Variants in CYP7A1 observed in about 807,000 individuals in gnomAD.
CYP7A1 encodes the protein cytochrome P450 family 7 subfamily A member 1, also known as cytochrome P450 7A1.
In CYP7A1, 28 loss-of-function variants were observed where a neutral mutation model predicts 43.8. The observed-to-expected ratio is 0.64, with a 90% CI of 0.47 to 0.88. The LOEUF is 0.88. Among genes scored for constraint, CYP7A1 ranks in the 40% least tolerant of loss-of-function variants. The pLI is 0.00. For synonymous variants in CYP7A1, 227 were observed against 222.5 expected, an observed-to-expected ratio of 1.02 and a Z score of -0.18; for missense variants, 637 against 611.9, an observed-to-expected ratio of 1.04 and a Z score of -0.43.
chr8:58,494,622 A>G lies in CYP7A1; in HGVS notation c.923T>C (p.Met308Thr), dbSNP rs997514726. The G allele has an allele frequency of 6.2e-7, 1 of 1,613,946 alleles. No individual in the cohort carries two copies. The highest frequency in any genetic ancestry group is 8.5e-7 in the Non-Finnish European group (1 of 1,179,946). Reference protein sequence around the residue: ...LFQMIRNPEAMKAATEEVKRT... With the variant: ...LFQMIRNPEATKAATEEVKRT... ...TTTCACTTCTTCAGTAGCTGCTTTC[A>G]TTGCTTCTGGGTTCCTATTAAAAGG... Residue 308 changes from methionine (M) to threonine (T), a missense_variant, in exon 4 of 6, where the codon ATG becomes ACG. Physicochemically the swap from Met to Thr is moderately conservative, Grantham distance 81. Transcript: ENST00000301645.
intron 4 of CYP7A1, 46 bp from the exon 5 acceptor site, chr8:58,492,574 G>C: frequency 6.7e-7 from 1 of 1,501,928 alleles, no homozygotes; most frequent in African/African-American, 1.4e-5. Context: ...AAGAAGGAAG[G>C]GAGGAAGGAA....
chr8:58,494,220 T>C lies in CYP7A1; in HGVS notation c.1039+286A>G, dbSNP rs953218871. On this transcript the variant is annotated intron_variant, in intron 4 of 5. Transcript: ENST00000301645. Reference sequence around the variant, plus strand: ...AGTGGTAAGAGGAATATGAGAAACATGGTGTGGCAGTGCAGGGTGGTAGTT... The same window carrying C: ...AGTGGTAAGAGGAATATGAGAAACACGGTGTGGCAGTGCAGGGTGGTAGTT... Among the ~76,000 whole-genome samples the C allele has an allele frequency of 3.9e-5, 6 of 152,152 alleles. No homozygotes were observed. In the South Asian group the frequency reaches 1.2e-3, roughly 32 times the overall value.
At chr8:58,491,808 G>A in intron 5 of CYP7A1, 34 bp from the exon 6 acceptor site, 1 of 1,576,444 alleles carries the variant, frequency 6.3e-7, no homozygotes, top group Non-Finnish European at 8.7e-7. Flanking sequence ...CCGCCTTTAA[G>A]CTAGTTTTAA....
Position 58,491,506 on chromosome 8 carries a change from A to T in CYP7A1, c.1484T>A (p.Ile495Asn). 5.0e-6 allele frequency: 8 copies of T among 1,614,172 alleles called. No individual in the cohort carries two copies. Among genetic ancestry groups the T allele is most frequent in the Non-Finnish European group, 5.9e-6 (7 of 1,180,022 alleles). Reference sequence around the variant, plus strand: ...ATGCTTGAATTTATATTTAAATTCAATATCATTCAATGGCGGCAAAATGCC... The same window carrying T: ...ATGCTTGAATTTATATTTAAATTCATTATCATTCAATGGCGGCAAAATGCC... ...GLGILPPLND[I>N]EFKYKFKHL The change falls in exon 6 of 6, where the codon ATT becomes AAT. Residue 495 changes from isoleucine (I) to asparagine (N), a missense_variant. Transcript: ENST00000301645.
At position 58,498,318 on chromosome 8, in the gene CYP7A1, A is replaced by T. The variant is rs766189113; in HGVS notation, c.232T>A (p.Phe78Ile). 5 of 1,614,050 alleles carry T rather than the reference A, an allele frequency of 3.1e-6. No individual in the cohort carries two copies. The South Asian group carries it at 5.5e-5, about 18-fold the overall frequency. ...TGGTATGACAAGGGATTTGTGATGAAATGGACATATTTTCCCATTAGTTTG... is the reference window on the plus strand; with the variant it reads ...TGGTATGACAAGGGATTTGTGATGATATGGACATATTTTCCCATTAGTTTG... ...TCKLMGKYVH[F>I]ITNPLSYHKV... is the part of the protein sequence containing the mutation. The change falls in exon 2 of 6, where the codon TTC (phenylalanine) becomes ATC (isoleucine). Residue 78 changes from phenylalanine (F) to isoleucine (I), a missense_variant. Transcript: ENST00000301645.
In CYP7A1 at chr8:58,492,478, G is replaced by A. The variant is rs149291486; in HGVS notation, c.1090C>T (p.Arg364Trp). The A allele has an allele frequency of 5.8e-5, 93 of 1,613,836 alleles. No individual in the cohort carries two copies. The highest frequency in any genetic ancestry group is 1.3e-4 in the African/African-American group (10 of 74,870). ...AAAGTGAAATCCTCCTTAGCTGTCC[G>A]GATGTTGAGGGAGGCACTGGAAAGC... ...LRLSSASLNI[R>W]TAKEDFTLHL... Residue 364 changes from arginine to tryptophan, a missense_variant, in exon 5 of 6, where the codon CGG becomes TGG. Physicochemically the swap from Arg to Trp is moderately radical, Grantham distance 101. Coordinates refer to ENST00000301645, the MANE Select transcript of CYP7A1 (RefSeq NM_000780.4).
chr8:58,495,217 T>TATTTATTTATTTATTTATTTATG (rs1809420767), intron 3 of CYP7A1, among the ~76,000 whole-genome samples: 1 of 34,770 alleles, frequency 2.9e-5, no homozygotes, highest in East Asian at 5.7e-4. Context: ...TATTTTATTT[T>TATTTATTTATTTATTTATTTATG]TATTTATTTA....
rs539904740 is a variant in CYP7A1 at position 58,491,955 on chromosome 8, C to T, written c.1216-181G>A. 2.0e-5 allele frequency among the ~76,000 whole-genome samples: 3 copies of T among 152,096 alleles called. No individual in the cohort carries two copies. In the South Asian group the frequency reaches 6.2e-4, roughly 32 times the overall value. On this transcript the variant is annotated intron_variant, in intron 5 of 5. Transcript: ENST00000301645. ...ACAGGAGCTTAATGAGCTAAGGAAG[C>T]CTTGTGATACCTCCTATCCTGCTTG...
At chr8:58,495,820 A>G (rs1809434803) in intron 3 of CYP7A1, among the ~76,000 whole-genome samples, 1 of 152,246 alleles carries the variant, frequency 6.6e-6, no homozygotes, top group Admixed American at 6.5e-5. Flanking sequence ...AAAATATTTT[A>G]TAAGACCTAA....
Position 58,500,108 on chromosome 8 carries a change from C to T in CYP7A1, c.-10G>A, listed in dbSNP as rs1216658100. The T allele has an allele frequency of 1.9e-6, 3 of 1,610,488 alleles. No homozygotes were observed. In the East Asian group the frequency reaches 6.7e-5, roughly 36 times the overall value. ...AAGATGTGGTCATCATTTTGCAAAT[C>T]TAGGCCAAAATCTCTGAGGAAGAAA... is the stretch of plus-strand genomic sequence containing the variant. On this transcript the variant is annotated 5_prime_UTR_variant, in exon 1 of 6. Transcript: ENST00000301645.
At chr8:58,492,562 G>T (rs1419315333) in intron 4 of CYP7A1, 34 bp from the exon 5 acceptor site, 1 of 1,559,706 alleles carries the variant, frequency 6.4e-7, no homozygotes, top group South Asian at 1.1e-5. Flanking sequence ...GATAAAAAAT[G>T]AAAGAAGGAA....
In CYP7A1 at chr8:58,497,099, A is replaced by G. The variant is rs768849156; in HGVS notation, c.413T>C (p.Leu138Ser). The G allele has an allele frequency of 7.2e-5, 115 of 1,600,662 alleles. No homozygotes were observed. Among genetic ancestry groups the G allele is most frequent in the Admixed American group, 1.5e-4 (9 of 60,000 alleles). The change falls in exon 3 of 6, where the codon TTG (leucine) becomes TCG (serine). Residue 138 changes from leucine to serine, a missense_variant. Physicochemically the swap from Leu to Ser is moderately radical, Grantham distance 145 (BLOSUM62 -2). Coordinates refer to ENST00000301645, the MANE Select transcript of CYP7A1 (RefSeq NM_000780.4). ...CATCATGCTTTCCGTGAGGGAATTC[A>G]AGGCATGGCCCTGCAGGGTTTTGAT... ...TFIKTLQGHA[L>S]NSLTESMMEN...
At chr8:58,496,511 A>C (rs1040725233) in intron 3 of CYP7A1, 93 bp downstream of exon 3, 5 of 940,936 alleles carry the variant, frequency 5.3e-6, no homozygotes, top group South Asian at 1.5e-5. Flanking sequence ...CGGCATGATA[A>C]AGTACTACGA....
At chr8:58,496,427 T>C (rs1270516312) in intron 3 of CYP7A1, among the ~76,000 whole-genome samples, 177 bp downstream of exon 3, 1 of 152,222 alleles carries the variant, frequency 6.6e-6, no homozygotes, top group African/African-American at 2.4e-5. Flanking sequence ...CATAGCTGCC[T>C]ATGTTTTTCT....
At chr8:58,493,791 G>A (rs1489616176) in intron 4 of CYP7A1, among the ~76,000 whole-genome samples, 1 of 152,122 alleles carries the variant, frequency 6.6e-6, no homozygotes, top group African/African-American at 2.4e-5. Flanking sequence ...CTTGAGGTCA[G>A]GAGTTCGAGA....
chr8:58,498,585 A>G, intron 1 of CYP7A1, 116 bp from the exon 2 acceptor site: 1 of 1,112,646 alleles, frequency 9.0e-7, no homozygotes, highest in Non-Finnish European at 1.3e-6. Context: ...TAGTTTATAG[A>G]TATTTCTTTT....
chr8:58,495,142 AAAT>A (rs559014064), intron 3 of CYP7A1, among the ~76,000 whole-genome samples: 4 of 151,690 alleles, frequency 2.6e-5, no homozygotes, highest in African/African-American at 9.7e-5. Flanking sequence ...TCGAAAAAAA[AAAT>A]AATAATAATA....
chr8:58,496,523 G>T, intron 3 of CYP7A1, 81 bp downstream of exon 3: 1 of 1,119,820 alleles, frequency 8.9e-7, no homozygotes, highest in Non-Finnish European at 1.3e-6. Flanking sequence ...GTACTACGAG[G>T]CTTTTTTTCT....
Position 58,492,417 on chromosome 8 carries a change from T to C in CYP7A1, c.1151A>G (p.Asp384Gly). The stretch of plus-strand genomic sequence containing the variant: ...CTGTGGGTAAAGAGCTATGATGTCA[T>C]CTTTTCGGATGTTGTAGGAACCGTC... The part of the protein sequence containing the change: ...LEDGSYNIRK[D>G]DIIALYPQLM... The change falls in exon 5 of 6, where the codon GAT becomes GGT. Residue 384 changes from aspartate (D) to glycine (G), a missense_variant. Coordinates refer to ENST00000301645, the MANE Select transcript of CYP7A1 (RefSeq NM_000780.4). 1 of 1,614,148 alleles carries C rather than the reference T, an allele frequency of 6.2e-7. No homozygotes were observed. Among genetic ancestry groups the C allele is most frequent in the Non-Finnish European group, 8.5e-7 (1 of 1,179,980 alleles).
Sources: gnomAD v4.1 joint callset for allele counts (sites outside exome capture counted in the v4.1 genomes callset) on GRCh38, gnomAD v4.1.1 for gene constraint, MANE v1.5 for transcripts, NCBI Gene and HGNC (gene_info 2026-07-23, HGNC 2026-07-21) for gene names.